KIF27: variants seen among roughly 807,000 people sequenced by gnomAD.
KIF27 encodes the protein kinesin-like protein KIF27.
Under a neutral mutation model 141.8 loss-of-function variants are expected in KIF27, and 84 were observed. The ratio of observed to expected loss-of-function variants is 0.59; its 90% confidence interval spans 0.50 to 0.71. The LOEUF (loss-of-function observed/expected upper bound fraction) is 0.71. Among genes scored for constraint, KIF27 ranks in the 30% least tolerant of loss-of-function variants. The pLI is 0.00. For missense variants in KIF27, 1,306 were observed against 1,628.4 expected (o/e 0.80, Z 3.41); for synonymous variants, 471 against 569.5 (o/e 0.83, Z 2.46).
At chr9:83,873,944 TG>T (rs1233001614) in intron 11 of KIF27, among the ~76,000 whole-genome samples, 1 of 151,624 alleles carries the variant, frequency 6.6e-6, no homozygotes, top group Non-Finnish European at 1.5e-5. Context: ...CCCAGCTACT[TG>T]GGAGGCTGAG....
At chr9:83,843,484 G>T (rs1315224240) in intron 16 of KIF27, among the ~76,000 whole-genome samples, 1 of 151,950 alleles carries the variant, frequency 6.6e-6, no homozygotes, top group East Asian at 1.9e-4. Context: ...ACTGGTTTGT[G>T]ATTTTCTTTG....
In KIF27 at chr9:83,837,404, T is replaced by G. The variant is rs775457038; in HGVS notation, c.3803A>C (p.Glu1268Ala). The change falls in exon 18 of 18, where the codon GAA becomes GCA. Residue 1268 changes from glutamate (E) to alanine (A), a missense_variant. Glu to Ala is a moderately radical substitution (Grantham distance 107, BLOSUM62 -1). Around this residue, in one of 4 missense-constraint regions of KIF27, gnomAD observed 148 missense variants for 250.9 expected, o/e 0.59. Transcript: ENST00000297814. ...SEELKWASRP[E>A]SMKLSGRERE... ...TTCTCTTCCACTTAATTTCATACTT[T>G]CAGGTCTGGATGCCCATTTTAATTC... 1.2e-5 allele frequency: 19 copies of G among 1,612,814 alleles called. No homozygotes were observed. In the South Asian group the frequency reaches 1.9e-4, roughly 16 times the overall value.
intron 16 of KIF27, among the ~76,000 whole-genome samples, chr9:83,844,403 G>A (rs985772237): frequency 3.7e-5 from 5 of 133,472 alleles, no homozygotes; most frequent in Non-Finnish European, 8.0e-5. Context: ...TCCCTCTAGA[G>A]AACCCTAATA....
intron 5 of KIF27, among the ~76,000 whole-genome samples, chr9:83,898,464 C>T (rs183688738): frequency 1.6e-4 from 24 of 152,046 alleles, no homozygotes; most frequent in Non-Finnish European, 2.8e-4. Flanking sequence ...GAAATGATTA[C>T]CATGTAAGTC....
At chr9:83,869,588 G>T (rs1204685554) in intron 12 of KIF27, among the ~76,000 whole-genome samples, 4 of 152,082 alleles carry the variant, frequency 2.6e-5, no homozygotes, top group Non-Finnish European at 5.9e-5. Flanking sequence ...TTAGCCAGGC[G>T]TGGTGGTGGG....
Position 83,903,993 on chromosome 9 carries a change from A to G in KIF27, c.525T>C (p.His175=). The G allele has an allele frequency of 6.2e-7, 1 of 1,606,012 alleles. No homozygotes were observed. Residue 175 remains histidine (H), a synonymous_variant, in exon 4 of 18, where the codon CAT becomes CAC. Coordinates refer to ENST00000297814, the MANE Select transcript of KIF27 (RefSeq NM_017576.4). ...NTVIVGAKEC[H]VESAGEVMSL... The stretch of plus-strand genomic sequence containing the variant: ...TCATCACTTCACCTGCACTCTCCAC[A>G]TGGCATTCCTTGGCCCCAACAATCA...
At chr9:83,866,030 C>T (rs1312304475) in intron 13 of KIF27, among the ~76,000 whole-genome samples, 1 of 152,018 alleles carries the variant, frequency 6.6e-6, no homozygotes, top group Admixed American at 6.6e-5. Context: ...CATATGCAGA[C>T]TTGCATTCAT....
intron 17 of KIF27, chr9:83,838,697 T>C (rs1235325316): frequency 6.6e-6 from 1 of 152,222 alleles, no homozygotes; most frequent in Non-Finnish European, 1.5e-5. Flanking sequence ...TTTACAGCTT[T>C]TCTAGAAAAA....
At chr9:83,848,318 T>G (rs62646599) in intron 16 of KIF27, among the ~76,000 whole-genome samples, 4,134 of 107,060 alleles carry the variant, frequency 0.039, 534 homozygotes, top group African/African-American at 0.079. Context: ...TGATATATCA[T>G]ATATCTATAT....
chr9:83,842,775 T>G (rs1946746374), intron 16 of KIF27, among the ~76,000 whole-genome samples: 1 of 152,216 alleles, frequency 6.6e-6, no homozygotes, highest in Non-Finnish European at 1.5e-5. Context: ...TGCAAAATTA[T>G]GTTTTAACAT....
In KIF27 at chr9:83,915,290, T is replaced by A. The variant is rs1564017813; in HGVS notation, c.298+4A>T. 1 of 1,583,006 alleles carries A rather than the reference T, an allele frequency of 6.3e-7. No homozygotes were observed. The highest frequency in any genetic ancestry group is 8.6e-7 in the Non-Finnish European group (1 of 1,166,798). On this transcript the variant is annotated splice_donor_region_variant and intron_variant, in intron 2 of 17. Coordinates refer to ENST00000297814, the MANE Select transcript of KIF27 (RefSeq NM_017576.4). ...ATAAAAGTCAAAGAGTATAAGAATC[T>A]TACCAATATGGCCCCCTCCAATGGT...
chr9:83,918,339 C>T (rs1439425950), intron 1 of KIF27, among the ~76,000 whole-genome samples: 1 of 89,002 alleles, frequency 1.1e-5, no homozygotes, highest in Non-Finnish European at 2.1e-5. Context: ...GGGGGCAGGA[C>T]AGGGAGGGAG....
Position 83,834,944 on chromosome 9 carries a change from T to C in KIF27, c.*2057A>G, listed in dbSNP as rs1945654135. On this transcript the variant is annotated 3_prime_UTR_variant, in exon 18 of 18. Transcript: ENST00000297814. Reference sequence around the variant, plus strand: ...ATATATAATACTATATATATACAAGTGTTTATATACAAGTATATATAATGG... The same window carrying C: ...ATATATAATACTATATATATACAAGCGTTTATATACAAGTATATATAATGG... 6.8e-6 allele frequency among the ~76,000 whole-genome samples: 1 copy of C among 147,128 alleles called. No individual in the cohort carries two copies. Among genetic ancestry groups the C allele is most frequent in the Non-Finnish European group, 1.5e-5 (1 of 67,344 alleles).
At chr9:83,858,640 G>T (rs1185758680) in intron 14 of KIF27, 2 of 153,108 alleles carry the variant, frequency 1.3e-5, no homozygotes, top group Non-Finnish European at 1.5e-5. Flanking sequence ...ATAACTAAAA[G>T]GTCTTTTACT....
Position 83,887,336 on chromosome 9 carries a change from A to G in KIF27, c.2084-140T>C, listed in dbSNP as rs531216793. 4.9e-4 allele frequency: 272 copies of G among 552,714 alleles called. 5 individuals are homozygous for G. In the South Asian group the frequency reaches 6.3e-3, roughly 13 times the overall value. 34.2% of individuals were successfully genotyped at this position (552,714 alleles called of 1,614,324 possible). On this transcript the variant is annotated intron_variant, in intron 8 of 17. Transcript: ENST00000297814. ...AAAAAGGAAGGGGAGGAAAAAGGGG[A>G]AAAAATACACAGCAATTGGGACTCT...
chr9:83,903,423 C>A lies in KIF27; in HGVS notation c.1095G>T (p.Leu365Phe), dbSNP rs766007800. ...RIDEMEFEIK[L>F]LREALQSQQA... ...GCTGGCTTTGCAAAGCTTCTCGAAG[C>A]AATTTAATCTCAAATTCCATTTCAT... Residue 365 changes from leucine (L) to phenylalanine (F), a missense_variant, in exon 4 of 18, where the codon TTG becomes TTT. By Grantham distance (22) the Leu-to-Phe change is conservative. Coordinates refer to ENST00000297814, the MANE Select transcript of KIF27 (RefSeq NM_017576.4). The A allele has an allele frequency of 6.2e-7, 1 of 1,614,032 alleles. No homozygotes were observed. Among genetic ancestry groups the A allele is most frequent in the South Asian group, 1.1e-5 (1 of 91,086 alleles).
chr9:83,918,291 CAAAGAG>C (rs1352650940), intron 1 of KIF27, among the ~76,000 whole-genome samples: 7 of 111,392 alleles, frequency 6.3e-5, no homozygotes, highest in Non-Finnish European at 1.2e-4. Context: ...GAACTTGTCT[CAAAGAG>C]AGAGAGAAAG....
chr9:83,878,454 G>C (rs1265836286), intron 11 of KIF27, among the ~76,000 whole-genome samples: 2 of 152,162 alleles, frequency 1.3e-5, no homozygotes, highest in Non-Finnish European at 2.9e-5. Flanking sequence ...TTGTATGCCA[G>C]TGTTCACTGC....
intron 9 of KIF27, among the ~76,000 whole-genome samples, chr9:83,886,284 G>C (rs1421987025): frequency 1.3e-5 from 2 of 152,128 alleles, no homozygotes; most frequent in Non-Finnish European, 2.9e-5. Context: ...ACAAGCATGT[G>C]TTTGTAGCCT....
Sources: allele counts gnomAD v4.1 joint callset (sites outside exome capture counted in the v4.1 genomes callset), GRCh38; gene constraint gnomAD v4.1.1; regional missense constraint gnomAD v4.1.1; transcripts MANE v1.5; gene names NCBI Gene and HGNC (gene_info 2026-07-23, HGNC 2026-07-21).